The following RCC1L variants were observed in gnomAD, a reference collection of about 807,000 sequenced individuals.
The protein encoded by RCC1L is RCC1-like G exchanging factor-like protein.
A neutral mutation model predicts 58.6 loss-of-function variants in RCC1L; 46 were observed. The ratio of observed to expected loss-of-function variants is 0.79; its 90% CI spans 0.62 to 1.00. The LOEUF (loss-of-function observed/expected upper bound fraction) is 1.00. Among genes scored for constraint, RCC1L ranks in the 50% least tolerant of loss-of-function variants. The pLI, the probability that RCC1L is intolerant of heterozygous loss-of-function variation, is 0.00. For missense variants in RCC1L, 636 were observed against 623.6 expected (o/e 1.02, Z -0.21); for synonymous variants, 281 against 262.9 (o/e 1.07, Z -0.67).
At chr7:75,032,349 G>A (rs1308149517) in intron 10 of RCC1L, among the ~76,000 whole-genome samples, 43 of 152,330 alleles carry the variant, frequency 2.8e-4, no homozygotes, top group African/African-American at 1.0e-3. Context: ...CACAGCTCCA[G>A]GTAAGTTCCA....
intron 6 of RCC1L, 120 bp from the exon 7 acceptor site, chr7:75,058,889 G>A (rs1387363995): frequency 7.7e-7 from 1 of 1,306,690 alleles, no homozygotes; most frequent in East Asian, 2.5e-5. Context: ...AGAAATCCCA[G>A]TCTGGGGCTG....
intron 2 of RCC1L, among the ~76,000 whole-genome samples, chr7:75,068,060 C>T (rs933175941): frequency 2.0e-5 from 3 of 152,034 alleles, no homozygotes; most frequent in African/African-American, 7.2e-5. Flanking sequence ...TGGGTCACGC[C>T]TGTAATCCCA....
intron 1 of RCC1L, among the ~76,000 whole-genome samples, chr7:75,070,971 T>C (rs1478026243): frequency 4.6e-5 from 7 of 152,106 alleles, no homozygotes; most frequent in African/African-American, 1.4e-4. Context: ...TCTCCCAGGT[T>C]CAAGCCTCCC....
intron 8 of RCC1L, among the ~76,000 whole-genome samples, chr7:75,057,132 C>T (rs1249766804): frequency 6.6e-6 from 1 of 152,164 alleles, no homozygotes; most frequent in Non-Finnish European, 1.5e-5. Context: ...ACCACCATGT[C>T]TGGCTAATTT....
At chr7:75,045,440 G>A (rs955638726) in intron 10 of RCC1L, among the ~76,000 whole-genome samples, 50 of 152,060 alleles carry the variant, frequency 3.3e-4, no homozygotes, top group African/African-American at 1.0e-3. Flanking sequence ...TCAGCCTCCC[G>A]AAGTGCTGGG....
chr7:75,031,915 C>T (rs1440297470), intron 10 of RCC1L, among the ~76,000 whole-genome samples: 7 of 152,192 alleles, frequency 4.6e-5, no homozygotes, highest in African/African-American at 1.4e-4. Flanking sequence ...TCAGTCCTTC[C>T]CCATGTGGGC....
intron 3 of RCC1L, 66 bp downstream of exon 3, chr7:75,066,598 T>G: frequency 1.6e-5 from 26 of 1,598,990 alleles, no homozygotes; most frequent in Non-Finnish European, 2.1e-5. Flanking sequence ...AGGCCTGATT[T>G]GAGGCTCCAG....
intron 10 of RCC1L, among the ~76,000 whole-genome samples, chr7:75,052,391 T>C (rs1329060518): frequency 2.6e-5 from 4 of 152,196 alleles, no homozygotes; most frequent in African/African-American, 9.7e-5. Context: ...CTTATAGGAC[T>C]GGATGCTTGA....
intron 5 of RCC1L, 100 bp downstream of exon 5, chr7:75,063,192 G>GA: frequency 7.9e-7 from 1 of 1,268,938 alleles, no homozygotes; most frequent in Non-Finnish European, 1.2e-6. Flanking sequence ...ATTTAATTCA[G>GA]AAAATCCCCC....
At chr7:75,050,143 G>A (rs1021733747) in intron 10 of RCC1L, among the ~76,000 whole-genome samples, 4 of 152,088 alleles carry the variant, frequency 2.6e-5, no homozygotes, top group African/African-American at 9.7e-5. Context: ...ATAGCCAGGC[G>A]TCGTGGCATG....
At chr7:75,050,745 C>T (rs1043046119) in intron 10 of RCC1L, among the ~76,000 whole-genome samples, 49 of 152,240 alleles carry the variant, frequency 3.2e-4, no homozygotes, top group Non-Finnish European at 5.3e-4. Context: ...AGGAGAAAGC[C>T]GGCAAGCCCC....
downstream of RCC1L, among the ~76,000 whole-genome samples, chr7:75,038,401 G>A (rs1236896060): frequency 6.6e-6 from 1 of 151,936 alleles, no homozygotes. Context: ...CCAGGCACAC[G>A]CCACCATGCA....
rs969019262 is a variant in RCC1L at position 75,031,041 on chromosome 7, C to T, written c.1318-2962G>A. Among the ~76,000 whole-genome samples, 3 of 152,246 alleles carry T rather than the reference C, an allele frequency of 2.0e-5. No individual in the cohort carries two copies. In the East Asian group the frequency reaches 5.8e-4, roughly 29 times the overall value. ...GCCAGTGCGGTTTCCCTTCCACTGC[C>T]TCAGTTTACCTGTATTCAGAAGACA... is the stretch of plus-strand genomic sequence containing the variant. On this transcript the variant is annotated intron_variant, in intron 10 of 10. Transcript: ENST00000614461.
At position 75,073,570 on chromosome 7, in the gene RCC1L, G is replaced by A. The variant is rs1554446508; in HGVS notation, c.168C>T (p.Ala56=). 5 of 1,510,592 alleles carry A rather than the reference G, an allele frequency of 3.3e-6. No individual in the cohort carries two copies. In the South Asian group the frequency reaches 3.7e-5, roughly 11 times the overall value. 93.6% of individuals were successfully genotyped at this position (1,510,592 alleles called of 1,614,324 possible). Residue 56 remains alanine (A), a synonymous_variant, in exon 1 of 11, where the codon GCC becomes GCT. Transcript: ENST00000610322. ...PVVQYVGERA[A]RADRVFVWGF... is the part of the protein sequence containing the mutation. ...CCCACACGAAGACGCGATCGGCGCG[G>A]GCAGCGCGCTCGCCCACGTACTGGA...
At chr7:75,032,544 G>T (rs1024325070) in intron 10 of RCC1L, among the ~76,000 whole-genome samples, 20 of 151,826 alleles carry the variant, frequency 1.3e-4, no homozygotes, top group Admixed American at 1.3e-4. Context: ...GATTTTCCAT[G>T]GGGGGGTAGC....
downstream of RCC1L, among the ~76,000 whole-genome samples, chr7:75,041,662 C>T (rs1162225209): frequency 6.6e-6 from 1 of 151,848 alleles, no homozygotes; most frequent in Non-Finnish European, 1.5e-5. Flanking sequence ...AGTTCAAGAC[C>T]AGCCTGGCCA....
At chr7:75,071,425 A>G (rs376592851) in intron 1 of RCC1L, among the ~76,000 whole-genome samples, 1 of 152,090 alleles carries the variant, frequency 6.6e-6, no homozygotes, top group African/African-American at 2.4e-5. Flanking sequence ...CAGGCAGATC[A>G]CTTGAGGTCA....
intron 9 of RCC1L, 121 bp downstream of exon 9, chr7:75,055,780 G>T: frequency 8.4e-7 from 1 of 1,190,614 alleles, no homozygotes; most frequent in Non-Finnish European, 1.2e-6. Context: ...TGAGTTATCA[G>T]TACAAAGGCG....
intron 9 of RCC1L, 51 bp downstream of exon 9, chr7:75,055,850 C>G: frequency 6.2e-7 from 1 of 1,610,558 alleles, no homozygotes; most frequent in Non-Finnish European, 8.5e-7. Flanking sequence ...GAACTGGAGA[C>G]AGAGAACCTC....
Sources: gnomAD v4.1 joint callset for allele counts (sites outside exome capture counted in the v4.1 genomes callset) on GRCh38, gnomAD v4.1.1 for gene constraint, MANE v1.5 for transcripts, NCBI Gene and HGNC (gene_info 2026-07-23, HGNC 2026-07-21) for gene names.